Variants in DCLK2 observed in about 807,000 individuals in gnomAD.
DCLK2 encodes serine/threonine-protein kinase DCLK2.
DCLK2 carries 31 observed loss-of-function variants against 78.4 expected under a neutral mutation model. That is an observed-to-expected ratio of 0.40 (90% CI 0.30 to 0.53). The LOEUF (loss-of-function observed/expected upper bound fraction) is 0.53. DCLK2 is among the 20% of genes least tolerant of loss of function. The probability of loss-of-function intolerance (pLI) is 0.61; values close to 1 mark genes in which losing one functional copy is unlikely to be tolerated. For missense variants in DCLK2, 872 were observed against 973.7 expected (o/e 0.90, Z 1.39); for synonymous variants, 407 against 374.9 (o/e 1.09, Z -0.99).
intron 15 of DCLK2, among the ~76,000 whole-genome samples, chr4:150,254,752 C>T (rs775063250): frequency 2.2e-4 from 34 of 152,158 alleles, no homozygotes; most frequent in Non-Finnish European, 4.4e-4. Context: ...GTGATCCTAG[C>T]TCACTGTATC....
intron 2 of DCLK2, among the ~76,000 whole-genome samples, chr4:150,121,782 T>C (rs1161717661): frequency 1.3e-5 from 2 of 152,198 alleles, no homozygotes; most frequent in African/African-American, 4.8e-5. Flanking sequence ...GACTTGAAAG[T>C]TGAAATGACT....
chr4:150,121,658 C>A (rs1223002285), intron 2 of DCLK2, among the ~76,000 whole-genome samples: 8 of 152,190 alleles, frequency 5.3e-5, no homozygotes, highest in African/African-American at 1.9e-4. Context: ...AAATGTTCTT[C>A]ATGGTATCTA....
At chr4:150,158,299 A>C (rs1735465850) in intron 2 of DCLK2, among the ~76,000 whole-genome samples, 1 of 152,174 alleles carries the variant, frequency 6.6e-6, no homozygotes, top group African/African-American at 2.4e-5. Flanking sequence ...ATATGACCTC[A>C]TTTAACCCTA....
Position 150,247,662 on chromosome 4 carries a change from C to T in DCLK2, c.1838C>T (p.Pro613Leu), listed in dbSNP as rs770489530. Residue 613 changes from proline (P) to leucine (L), a missense_variant, in exon 13 of 16, where the codon CCG becomes CTG. Pro to Leu is a moderately conservative substitution (Grantham distance 98). Coordinates refer to ENST00000296550, the MANE Select transcript of DCLK2 (RefSeq NM_001040260.4). The stretch of plus-strand genomic sequence containing the variant: ...ATCTTGGCTGGGAAGCTGGAGTTTC[C>T]GGCCCCCTACTGGGATAACATCACG... ...DQILAGKLEFPAPYWDNITDS... is the reference protein window; with the variant it reads ...DQILAGKLEFLAPYWDNITDS... The T allele has an allele frequency of 5.6e-6, 9 of 1,613,932 alleles. No homozygotes were observed. Among genetic ancestry groups the T allele is most frequent in the African/African-American group, 2.7e-5 (2 of 74,910 alleles).
chr4:150,201,806 A>C (rs936628666), intron 4 of DCLK2, among the ~76,000 whole-genome samples: 18 of 3,184 alleles, frequency 5.7e-3, no homozygotes, highest in African/African-American at 0.012. Context: ...GAAAATACCA[A>C]AAAAAAAAGG....
At chr4:150,116,462 A>G (rs1732102027) in intron 2 of DCLK2, among the ~76,000 whole-genome samples, 1 of 152,182 alleles carries the variant, frequency 6.6e-6, no homozygotes, top group Non-Finnish European at 1.5e-5. Context: ...CTTTTGTCCC[A>G]TGTGATGTGT....
intron 2 of DCLK2, among the ~76,000 whole-genome samples, chr4:150,120,458 ATG>A (rs2150181343): frequency 6.6e-6 from 1 of 152,254 alleles, no homozygotes; most frequent in South Asian, 2.1e-4. Flanking sequence ...AGGCTTAACT[ATG>A]TGTGTCTGTA....
chr4:150,092,237 C>T (rs1432261485), intron 1 of DCLK2, among the ~76,000 whole-genome samples: 1 of 152,146 alleles, frequency 6.6e-6, no homozygotes, highest in Admixed American at 6.5e-5. Flanking sequence ...GTTTTCATAT[C>T]TTAGCTATTG....
intron 12 of DCLK2, among the ~76,000 whole-genome samples, chr4:150,242,970 C>A (rs1276687484): frequency 6.6e-6 from 1 of 152,104 alleles, no homozygotes; most frequent in Non-Finnish European, 1.5e-5. Context: ...GGGCCAGTTA[C>A]AGTGGAGTTC....
intron 1 of DCLK2, among the ~76,000 whole-genome samples, chr4:150,096,905 G>A (rs1730505957): frequency 6.6e-6 from 1 of 152,136 alleles, no homozygotes; most frequent in African/African-American, 2.4e-5. Context: ...AGAGTGAATG[G>A]GGTGGGGCTG....
chr4:150,182,974 T>C (rs2150284784), intron 2 of DCLK2, among the ~76,000 whole-genome samples: 1 of 152,160 alleles, frequency 6.6e-6, no homozygotes, highest in South Asian at 2.1e-4. Flanking sequence ...CTCTCTCTCT[T>C]TCACACCACC....
At chr4:150,245,443 T>C (rs1743233199) in intron 12 of DCLK2, among the ~76,000 whole-genome samples, 1 of 152,162 alleles carries the variant, frequency 6.6e-6, no homozygotes, top group Non-Finnish European at 1.5e-5. Context: ...TATGTATACA[T>C]GCGTCATGCT....
At chr4:150,240,282 T>G in intron 11 of DCLK2, 117 bp from the exon 12 acceptor site, 1 of 852,316 alleles carries the variant, frequency 1.2e-6, no homozygotes, top group East Asian at 2.7e-5. Context: ...TGAAATGAAA[T>G]GAATAATTTA....
intron 1 of DCLK2, among the ~76,000 whole-genome samples, chr4:150,089,175 A>G (rs1040169481): frequency 6.6e-6 from 1 of 152,190 alleles, no homozygotes; most frequent in Non-Finnish European, 1.5e-5. Context: ...TCTAAACATC[A>G]TCACCTCTTT....
At chr4:150,248,217 T>G (rs1239557700) in intron 13 of DCLK2, 88 bp from the exon 14 acceptor site, 20 of 1,136,390 alleles carry the variant, frequency 1.8e-5, no homozygotes, top group Non-Finnish European at 2.5e-5. Context: ...TTCTCTGAAG[T>G]GCTTGCCACA....
intron 2 of DCLK2, among the ~76,000 whole-genome samples, chr4:150,175,116 ATTTTT>A (rs1348245109): frequency 6.6e-5 from 6 of 91,438 alleles, no homozygotes; most frequent in Admixed American, 1.2e-4. Flanking sequence ...ATATATTTAT[ATTTTT>A]TATATATATA....
At chr4:150,194,361 T>C (rs1738708011) in intron 3 of DCLK2, among the ~76,000 whole-genome samples, 1 of 152,196 alleles carries the variant, frequency 6.6e-6, no homozygotes, top group African/African-American at 2.4e-5. Flanking sequence ...ACACAATGAA[T>C]AAATTGCCTA....
chr4:150,224,411 A>C, intron 7 of DCLK2, 90 bp from the exon 8 acceptor site: 1 of 1,299,392 alleles, frequency 7.7e-7, no homozygotes, highest in Admixed American at 2.4e-5. Flanking sequence ...CTACAAAAAA[A>C]AAAAAAATTA....
At chr4:150,166,774 A>C (rs1423523922) in intron 2 of DCLK2, among the ~76,000 whole-genome samples, 1 of 152,150 alleles carries the variant, frequency 6.6e-6, no homozygotes, top group Non-Finnish European at 1.5e-5. Flanking sequence ...GTGCACTGTC[A>C]TGAAGAGGTG....
Sources: gnomAD v4.1 joint callset for allele counts (sites outside exome capture counted in the v4.1 genomes callset) on GRCh38, gnomAD v4.1.1 for gene constraint, MANE v1.5 for transcripts, NCBI Gene and HGNC (gene_info 2026-07-23, HGNC 2026-07-21) for gene names.